Variants in CTNNA2 observed in about 807,000 individuals in gnomAD.
CTNNA2 encodes catenin alpha 2.
In CTNNA2, 42 loss-of-function variants were observed where a neutral mutation model predicts 101.0. The ratio of observed to expected loss-of-function variants is 0.42; its 90% CI spans 0.32 to 0.54. The LOEUF is 0.54. Ranked by LOEUF, CTNNA2 falls within the 20% of genes least tolerant of loss-of-function variation. The pLI, the probability that CTNNA2 is intolerant of heterozygous loss-of-function variation, is 0.14. For missense variants in CTNNA2, 871 were observed against 1,223.1 expected, an observed-to-expected ratio of 0.71 and a Z score of 4.29; for synonymous variants, 450 against 456.4, an observed-to-expected ratio of 0.99 and a Z score of 0.18.
intron 11 of CTNNA2, among the ~76,000 whole-genome samples, chr2:80,550,480 G>A (rs1692470380): frequency 6.6e-6 from 1 of 152,178 alleles, no homozygotes; most frequent in African/African-American, 2.4e-5. Context: ...GATGCTGTTT[G>A]ACAGCACTTT....
intron 15 of CTNNA2, among the ~76,000 whole-genome samples, chr2:80,597,943 A>G (rs183794976): frequency 5.3e-4 from 81 of 151,972 alleles, no homozygotes; most frequent in African/African-American, 1.7e-3. Context: ...CAGAAATAAT[A>G]CCATTACTGG....
At chr2:79,995,343 CT>C (rs936801682) in intron 7 of CTNNA2, among the ~76,000 whole-genome samples, 13 of 152,128 alleles carry the variant, frequency 8.5e-5, no homozygotes, top group Non-Finnish European at 1.6e-4. Flanking sequence ...TTACTTGGGG[CT>C]TTTTTCTTTA....
At chr2:79,218,309 C>A (rs1674293117) in intron 2 of CTNNA2, among the ~76,000 whole-genome samples, 1 of 71,532 alleles carries the variant, frequency 1.4e-5, no homozygotes, top group African/African-American at 4.5e-5. Flanking sequence ...TCTTCATGAA[C>A]TTTGTGTGTG....
At chr2:79,671,343 G>A (rs758168515) in intron 2 of CTNNA2, among the ~76,000 whole-genome samples, 5 of 152,212 alleles carry the variant, frequency 3.3e-5, no homozygotes, top group Admixed American at 6.5e-5. Context: ...TTTCATGCTA[G>A]TACCACCTTC....
chr2:79,714,713 A>T (rs1239189457), intron 2 of CTNNA2, among the ~76,000 whole-genome samples: 1 of 152,158 alleles, frequency 6.6e-6, no homozygotes, highest in Non-Finnish European at 1.5e-5. Context: ...GCTTTCATTT[A>T]TCCAGTCATG....
chr2:79,708,366 T>C lies in CTNNA2; in HGVS notation c.103-36021T>C, dbSNP rs559854774. ...TCCTTTTCACCCTATTTATATTCCTTCTTCTCTTTCTGTGATGGTGAGTAG... is the reference window on the plus strand; with the variant it reads ...TCCTTTTCACCCTATTTATATTCCTCCTTCTCTTTCTGTGATGGTGAGTAG... On this transcript the variant is annotated intron_variant, in intron 2 of 18. Transcript: ENST00000402739. 2.6e-5 allele frequency among the ~76,000 whole-genome samples: 4 copies of C among 152,298 alleles called. No homozygotes were observed. The East Asian group carries it at 7.7e-4, about 29-fold the overall frequency.
intron 8 of CTNNA2, among the ~76,000 whole-genome samples, chr2:80,395,871 G>A (rs1677965626): frequency 6.6e-6 from 1 of 152,180 alleles, no homozygotes; most frequent in South Asian, 2.1e-4. Context: ...GGAAAAAGGT[G>A]AAATCAAATA....
At chr2:79,586,065 A>C (rs751663557) in intron 1 of CTNNA2, among the ~76,000 whole-genome samples, 1 of 152,144 alleles carries the variant, frequency 6.6e-6, no homozygotes, top group Non-Finnish European at 1.5e-5. Context: ...TGTTAGTCTG[A>C]AACCGACCCA....
At chr2:79,936,166 AT>A (rs753249714) in intron 7 of CTNNA2, among the ~76,000 whole-genome samples, 33 of 146,050 alleles carry the variant, frequency 2.3e-4, no homozygotes, top group South Asian at 8.6e-4. Flanking sequence ...GTTTGATTCT[AT>A]TTTTTTTTTC....
chr2:80,591,183 C>T (rs558838713), intron 15 of CTNNA2, among the ~76,000 whole-genome samples: 1 of 152,204 alleles, frequency 6.6e-6, no homozygotes, highest in African/African-American at 2.4e-5. Context: ...AAATAAGACA[C>T]ATGTCTGTTA....
chr2:80,601,207 T>TTG (rs1256072643), intron 15 of CTNNA2, among the ~76,000 whole-genome samples: 144 of 152,180 alleles, frequency 9.5e-4, no homozygotes, highest in Middle Eastern at 6.8e-3. Flanking sequence ...TTTCTTCTTT[T>TTG]TGTCTGTGTG....
At chr2:79,941,091 T>G (rs1574367034) in intron 7 of CTNNA2, among the ~76,000 whole-genome samples, 1 of 152,202 alleles carries the variant, frequency 6.6e-6, no homozygotes, top group Non-Finnish European at 1.5e-5. Flanking sequence ...GGCTGCCAGG[T>G]CCAGCTTATG....
chr2:79,376,451 G>GGTTT (rs1553406729), intron 4 of CTNNA2, among the ~76,000 whole-genome samples: 73 of 148,964 alleles, frequency 4.9e-4, no homozygotes, highest in African/African-American at 1.7e-3. Context: ...TTGTTGGTTG[G>GGTTT]TTTTGTTTTT....
chr2:79,290,825 C>G (rs1427390042), intron 2 of CTNNA2, among the ~76,000 whole-genome samples: 1 of 152,140 alleles, frequency 6.6e-6, no homozygotes. Flanking sequence ...CATGTGTGAT[C>G]CAAATCTTCT....
At chr2:80,489,442 A>C (rs893764468) in intron 9 of CTNNA2, among the ~76,000 whole-genome samples, 3 of 152,204 alleles carry the variant, frequency 2.0e-5, no homozygotes, top group African/African-American at 4.8e-5. Context: ...TTATAAATGC[A>C]CTGCTGATAA....
chr2:79,860,565 T>TTTTTTTA (rs1553385350), intron 4 of CTNNA2, among the ~76,000 whole-genome samples: 8 of 150,768 alleles, frequency 5.3e-5, no homozygotes, highest in Admixed American at 4.6e-4. Flanking sequence ...TTTTTTTTTT[T>TTTTTTTA]AACGATTTAG....
intron 7 of CTNNA2, among the ~76,000 whole-genome samples, chr2:79,998,732 C>T (rs961791329): frequency 2.6e-5 from 4 of 152,068 alleles, no homozygotes; most frequent in African/African-American, 9.7e-5. Flanking sequence ...TTGCCTAACC[C>T]CTTTAAAAGT....
chr2:79,633,710 A>C (rs1451166585), intron 1 of CTNNA2: 2 of 152,234 alleles, frequency 1.3e-5, no homozygotes, highest in Non-Finnish European at 2.9e-5. Context: ...AGTCAAAGGA[A>C]GCGTTTCATT....
intron 7 of CTNNA2, among the ~76,000 whole-genome samples, chr2:80,073,437 G>A (rs561902268): frequency 6.6e-6 from 1 of 152,144 alleles, no homozygotes; most frequent in African/African-American, 2.4e-5. Context: ...GTGTCTGAGT[G>A]CTCAGAAGGG....
Sources: allele counts gnomAD v4.1 joint callset (sites outside exome capture counted in the v4.1 genomes callset), GRCh38; gene constraint gnomAD v4.1.1; transcripts MANE v1.5; gene names NCBI Gene and HGNC (gene_info 2026-07-23, HGNC 2026-07-21).